FRMD4B: variants seen among roughly 807,000 people sequenced by gnomAD.
FRMD4B encodes FERM domain containing 4B, also known as FERM domain-containing protein 4B.
A neutral mutation model predicts 141.5 loss-of-function variants in FRMD4B; 74 were observed. The observed-to-expected ratio is 0.52, with a 90% CI of 0.43 to 0.63. FRMD4B has a LOEUF of 0.63. FRMD4B is among the 30% of genes least tolerant of loss of function. The pLI is 0.00. For missense variants in FRMD4B, 1,366 were observed against 1,253.4 expected, an observed-to-expected ratio of 1.09 and a Z score of -1.36; for synonymous variants, 506 against 467.9, an observed-to-expected ratio of 1.08 and a Z score of -1.05.
intron 7 of FRMD4B, among the ~76,000 whole-genome samples, chr3:69,248,040 C>T (rs748940768): frequency 2.0e-5 from 3 of 152,142 alleles, no homozygotes; most frequent in Non-Finnish European, 2.9e-5. Context: ...GATCCTCCCT[C>T]CTCGGCCTCC....
chr3:69,196,966 G>C lies in FRMD4B; in HGVS notation c.1026C>G (p.Leu342=). 6.2e-7 allele frequency: 1 copy of C among 1,607,394 alleles called. No individual in the cohort carries two copies. The highest frequency in any genetic ancestry group is 1.1e-5 in the South Asian group (1 of 90,954). ...FVQTWYANSS[L]IKSIWVMAIS... ...TTGCCATTACCCAAATGGACTTGAT[G>C]AGAGAAGAGTTAGCATACCATGTTT... Residue 342 remains leucine (L), a synonymous_variant, in exon 13 of 23, where the codon CTC becomes CTG. Coordinates refer to ENST00000398540, the MANE Select transcript of FRMD4B (RefSeq NM_015123.3).
chr3:69,540,648 TATATATATATATAC>T (rs1169696510), intron 1 of FRMD4B, among the ~76,000 whole-genome samples: 2 of 74,912 alleles, frequency 2.7e-5, no homozygotes, highest in South Asian at 4.8e-4. Flanking sequence ...TATATATATA[TATATATATATATAC>T]ACACACACAC....
chr3:69,457,544 C>G (rs1225259639), intron 1 of FRMD4B, among the ~76,000 whole-genome samples: 2 of 152,330 alleles, frequency 1.3e-5, no homozygotes, highest in East Asian at 3.9e-4. Context: ...CTTGTCATTA[C>G]TGCACTCCAC....
At chr3:69,304,499 A>C (rs914216786) in intron 3 of FRMD4B, among the ~76,000 whole-genome samples, 39 of 151,722 alleles carry the variant, frequency 2.6e-4, no homozygotes, top group African/African-American at 8.5e-4. Flanking sequence ...AAAAAAAAAA[A>C]AAAAAACAGT....
intron 5 of FRMD4B, among the ~76,000 whole-genome samples, chr3:69,256,927 G>C (rs1358217232): frequency 2.0e-5 from 3 of 152,176 alleles, no homozygotes; most frequent in South Asian, 2.1e-4. Flanking sequence ...TCTAGATCAG[G>C]GTTTTATAAC....
chr3:69,413,248 T>G (rs1704791336), intron 2 of FRMD4B, among the ~76,000 whole-genome samples: 1 of 152,166 alleles, frequency 6.6e-6, no homozygotes, highest in South Asian at 2.1e-4. Context: ...AGTGCTTACA[T>G]GTATTATAAC....
intron 5 of FRMD4B, among the ~76,000 whole-genome samples, chr3:69,261,563 T>C (rs1224642822): frequency 6.6e-6 from 1 of 152,262 alleles, no homozygotes; most frequent in East Asian, 1.9e-4. Context: ...TATATCTGGT[T>C]GCATTACATG....
intron 19 of FRMD4B, 83 bp from the exon 20 acceptor site, chr3:69,182,800 T>A: frequency 1.5e-6 from 2 of 1,325,398 alleles, no homozygotes; most frequent in Non-Finnish European, 2.1e-6. Context: ...ATACAAAACT[T>A]ACTAGAAGCC....
chr3:69,353,194 T>C (rs566627588), intron 1 of FRMD4B, among the ~76,000 whole-genome samples: 31 of 151,854 alleles, frequency 2.0e-4, no homozygotes, highest in African/African-American at 7.2e-4. Context: ...TAAAGCAAAA[T>C]AAGAAATCAG....
At chr3:69,223,165 A>T (rs1242092294) in intron 8 of FRMD4B, among the ~76,000 whole-genome samples, 5 of 152,204 alleles carry the variant, frequency 3.3e-5, no homozygotes, top group Non-Finnish European at 7.3e-5. Context: ...CTAGAAGATG[A>T]AGTATTTCTA....
intron 1 of FRMD4B, 100 bp from the exon 2 acceptor site, chr3:69,313,617 T>A: frequency 1.4e-6 from 1 of 715,138 alleles, no homozygotes; most frequent in East Asian, 2.7e-5. Context: ...GGGCTCAGCC[T>A]AAAAATGGCT....
chr3:69,302,621 G>A (rs1012517951), intron 3 of FRMD4B, among the ~76,000 whole-genome samples, 186 bp from the exon 4 acceptor site: 7 of 152,216 alleles, frequency 4.6e-5, no homozygotes, highest in Non-Finnish European at 1.0e-4. Context: ...ACTTGCTTCT[G>A]AACCAGCATT....
intron 1 of FRMD4B, among the ~76,000 whole-genome samples, chr3:69,321,304 T>C (rs1238742402): frequency 6.6e-6 from 1 of 152,240 alleles, no homozygotes; most frequent in Non-Finnish European, 1.5e-5. Flanking sequence ...GCTTTAGTTG[T>C]TCTTTGGAAC....
At chr3:69,480,105 C>T (rs1013721129) in intron 1 of FRMD4B, among the ~76,000 whole-genome samples, 20 of 152,252 alleles carry the variant, frequency 1.3e-4, no homozygotes, top group Middle Eastern at 3.4e-3. Flanking sequence ...GTTATACATT[C>T]GTCTAAATTT....
At chr3:69,218,426 G>T in intron 9 of FRMD4B, 47 bp from the exon 10 acceptor site, 1 of 851,656 alleles carries the variant, frequency 1.2e-6, no homozygotes, top group Non-Finnish European at 1.9e-6. Context: ...ATAGTTAGAG[G>T]ACCCTTTTGG....
chr3:69,232,603 T>C (rs1053667832), intron 7 of FRMD4B, among the ~76,000 whole-genome samples: 4 of 152,190 alleles, frequency 2.6e-5, no homozygotes, highest in African/African-American at 9.6e-5. Flanking sequence ...GAAAGCCACA[T>C]GGCTGGCAAA....
intron 1 of FRMD4B, among the ~76,000 whole-genome samples, chr3:69,380,402 C>T (rs528811443): frequency 9.2e-5 from 14 of 152,264 alleles, no homozygotes; most frequent in Admixed American, 8.5e-4. Context: ...CCCCTAGCTA[C>T]CCTCTATCAA....
At chr3:69,190,571 C>T (rs563846601) in intron 17 of FRMD4B, among the ~76,000 whole-genome samples, 11 of 152,188 alleles carry the variant, frequency 7.2e-5, no homozygotes, top group African/African-American at 2.6e-4. Context: ...TGCAGCACCA[C>T]GCCTGGCTAA....
chr3:69,292,417 G>A (rs1271975088), intron 4 of FRMD4B, among the ~76,000 whole-genome samples: 2 of 152,174 alleles, frequency 1.3e-5, no homozygotes, highest in African/African-American at 4.8e-5. Flanking sequence ...GGGTAGCTTG[G>A]CACCAAATCA....
Sources: gnomAD v4.1 joint callset for allele counts (sites outside exome capture counted in the v4.1 genomes callset) on GRCh38, gnomAD v4.1.1 for gene constraint, MANE v1.5 for transcripts, NCBI Gene and HGNC (gene_info 2026-07-23, HGNC 2026-07-21) for gene names.